The following MGAT4C variants were observed in gnomAD, a reference collection of about 807,000 sequenced individuals.
The protein encoded by MGAT4C is alpha-1,3-mannosyl-glycoprotein 4-beta-N-acetylglucosaminyltransferase C.
A neutral mutation model predicts 40.1 loss-of-function variants in MGAT4C; 19 were observed. The observed-to-expected ratio is 0.47, with a 90% confidence interval of 0.33 to 0.70. The LOEUF is 0.70. MGAT4C is among the 30% of genes least tolerant of loss of function. MGAT4C has a pLI of 0.02. For missense variants in MGAT4C, 491 were observed against 563.2 expected (o/e 0.87, Z 1.30); for synonymous variants, 181 against 187.1 (o/e 0.97, Z 0.27).
chr12:86,648,700 G>A (rs902549947), intron 2 of MGAT4C, among the ~76,000 whole-genome samples: 9 of 151,844 alleles, frequency 5.9e-5, no homozygotes, highest in African/African-American at 1.7e-4. Context: ...AGTGCTTGCC[G>A]TTTAAGCCAC....
intron 2 of MGAT4C, among the ~76,000 whole-genome samples, chr12:86,711,193 TAAATTAGTTATA>T (rs1335837127): frequency 6.6e-6 from 1 of 151,960 alleles, no homozygotes; most frequent in African/African-American, 2.4e-5. Flanking sequence ...AATAAAAATA[TAAATTAGTTATA>T]AAATAATACT....
At chr12:86,046,574 T>C (rs928981781) in intron 2 of MGAT4C, among the ~76,000 whole-genome samples, 1 of 152,130 alleles carries the variant, frequency 6.6e-6, no homozygotes, top group African/African-American at 2.4e-5. Context: ...ATTACCAGGT[T>C]CAGTGGAATT....
At chr12:86,231,520 T>C (rs1399926347) in intron 1 of MGAT4C, among the ~76,000 whole-genome samples, 1 of 152,192 alleles carries the variant, frequency 6.6e-6, no homozygotes, top group African/African-American at 2.4e-5. Context: ...ATCAAGTATG[T>C]ACAACAATCA....
intron 1 of MGAT4C, among the ~76,000 whole-genome samples, chr12:86,086,506 C>A (rs1871876214): frequency 1.3e-5 from 2 of 151,944 alleles, no homozygotes. Flanking sequence ...TGCACATCTG[C>A]ACATGTATCC....
At chr12:86,558,945 G>A (rs567855081) in intron 2 of MGAT4C, among the ~76,000 whole-genome samples, 28 of 151,668 alleles carry the variant, frequency 1.8e-4, no homozygotes, top group African/African-American at 4.3e-4. Context: ...AAAACAATGC[G>A]CCAACTACAT....
intron 2 of MGAT4C, among the ~76,000 whole-genome samples, chr12:86,586,832 A>G (rs1217933590): frequency 6.6e-6 from 1 of 151,684 alleles, no homozygotes; most frequent in Non-Finnish European, 1.5e-5. Context: ...GTTGGAGTTC[A>G]TTGTAGATTC....
At chr12:86,624,783 G>A (rs1407561496) in intron 2 of MGAT4C, among the ~76,000 whole-genome samples, 2 of 152,022 alleles carry the variant, frequency 1.3e-5, no homozygotes, top group Admixed American at 1.3e-4. Flanking sequence ...TATGGTCTAT[G>A]TATGGGGAAA....
intron 1 of MGAT4C, among the ~76,000 whole-genome samples, chr12:86,240,967 C>A (rs1951760042): frequency 6.6e-6 from 1 of 151,950 alleles, no homozygotes; most frequent in Non-Finnish European, 1.5e-5. Flanking sequence ...TCTTTAATGT[C>A]ATGGATAATT....
chr12:86,230,621 T>C (rs1464953574), intron 1 of MGAT4C, among the ~76,000 whole-genome samples: 1 of 152,140 alleles, frequency 6.6e-6, no homozygotes, highest in African/African-American at 2.4e-5. Context: ...AAGGTGATGA[T>C]GCCAACATAT....
intron 2 of MGAT4C, among the ~76,000 whole-genome samples, chr12:86,658,631 C>T (rs1483411391): frequency 6.6e-6 from 1 of 152,102 alleles, no homozygotes; most frequent in Non-Finnish European, 1.5e-5. Context: ...ATGATCTGCT[C>T]TGAAACAGCC....
At chr12:86,363,769 A>G (rs1215394708) in intron 3 of MGAT4C, among the ~76,000 whole-genome samples, 2 of 152,144 alleles carry the variant, frequency 1.3e-5, no homozygotes, top group African/African-American at 2.4e-5. Flanking sequence ...AGAGAGAAAT[A>G]GTGAACAAAA....
intron 2 of MGAT4C, among the ~76,000 whole-genome samples, chr12:86,491,443 C>T (rs1221967629): frequency 6.6e-6 from 1 of 151,960 alleles, no homozygotes; most frequent in African/African-American, 2.4e-5. Flanking sequence ...AAAGCTTATC[C>T]ACCAAGATCA....
At chr12:86,139,077 T>C (rs1254287596) in intron 1 of MGAT4C, among the ~76,000 whole-genome samples, 1 of 152,134 alleles carries the variant, frequency 6.6e-6, no homozygotes, top group Non-Finnish European at 1.5e-5. Context: ...CCTAGAGTAA[T>C]TAACTATATT....
chr12:86,284,327 T>C (rs1010725378), intron 4 of MGAT4C, among the ~76,000 whole-genome samples: 5 of 151,898 alleles, frequency 3.3e-5, no homozygotes, highest in Admixed American at 6.6e-5. Flanking sequence ...TCTATCTCTT[T>C]ACTTTGAGAA....
intron 2 of MGAT4C, among the ~76,000 whole-genome samples, chr12:86,554,012 C>T (rs1959488414): frequency 6.6e-6 from 1 of 152,028 alleles, no homozygotes; most frequent in Non-Finnish European, 1.5e-5. Context: ...AAACTCATAT[C>T]TCAGAGACCT....
intron 1 of MGAT4C, among the ~76,000 whole-genome samples, chr12:86,247,448 T>C (rs1952083615): frequency 6.6e-6 from 1 of 152,188 alleles, no homozygotes; most frequent in Non-Finnish European, 1.5e-5. Context: ...GCCATTACTT[T>C]CATAAAGATT....
intron 1 of MGAT4C, among the ~76,000 whole-genome samples, chr12:86,160,510 G>C (rs995116818): frequency 6.6e-6 from 1 of 152,024 alleles, no homozygotes; most frequent in African/African-American, 2.4e-5. Flanking sequence ...ATCAATCTTA[G>C]AATATGTTCT....
rs1411111150 is a variant in MGAT4C, at chr12:86,201,051, G to C, written c.-57+55188C>G. Among the ~76,000 whole-genome samples, 8 of 152,126 alleles carry C rather than the reference G, an allele frequency of 5.3e-5. No homozygotes were observed. In the East Asian group the frequency reaches 1.5e-3, roughly 29 times the overall value. On this transcript the variant is annotated intron_variant, in intron 1 of 4. Transcript: ENST00000611864. ...AACTACAAGAAAATAAATTTCTGTTGTTTGAAATACCCACCCTGTGATATT... is the reference window on the plus strand; with the variant it reads ...AACTACAAGAAAATAAATTTCTGTTCTTTGAAATACCCACCCTGTGATATT...
At chr12:86,124,836 T>C (rs1052542984) in intron 1 of MGAT4C, among the ~76,000 whole-genome samples, 6 of 152,172 alleles carry the variant, frequency 3.9e-5, no homozygotes, top group Non-Finnish European at 8.8e-5. Flanking sequence ...GACATAATGC[T>C]GAAATAAATT....
Sources: allele counts gnomAD v4.1 joint callset (sites outside exome capture counted in the v4.1 genomes callset), GRCh38; gene constraint gnomAD v4.1.1; transcripts MANE v1.5; gene names NCBI Gene and HGNC (gene_info 2026-07-23, HGNC 2026-07-21).